The following IMMP2L variants were observed in gnomAD, a reference collection of about 807,000 sequenced individuals.
IMMP2L encodes the protein inner mitochondrial membrane peptidase subunit 2.
A neutral mutation model predicts 19.3 loss-of-function variants in IMMP2L; 18 were observed. The observed-to-expected ratio is 0.93, with a 90% confidence interval of 0.64 to 1.38. The LOEUF is 1.38. Among genes scored for constraint, IMMP2L ranks in the 40% most tolerant of loss-of-function variants. The pLI is 0.00. For missense variants in IMMP2L, 233 were observed against 218.2 expected (o/e 1.07, Z -0.43); for synonymous variants, 76 against 73.0 (o/e 1.04, Z -0.21).
At position 111,409,269 on chromosome 7, in the gene IMMP2L, C is replaced by A. The variant is rs140697095; in HGVS notation, c.239+77969G>T. Among the ~76,000 whole-genome samples the A allele has an allele frequency of 2.0e-3, 300 of 151,606 alleles. 6 individuals are homozygous for A. The highest frequency in any genetic ancestry group is 6.2e-3 in the African/African-American group (254 of 41,162). ...TAATTCTCTTAAAATTTAACGTCCA[C>A]CTAGAAAGCAATGCATCAGTAATAA... On this transcript the variant is annotated intron_variant, in intron 3 of 5. Coordinates refer to ENST00000405709, the MANE Select transcript of IMMP2L (RefSeq NM_032549.4).
intron 3 of IMMP2L, among the ~76,000 whole-genome samples, chr7:111,013,953 G>T (rs1345839739): frequency 6.6e-6 from 1 of 152,000 alleles, no homozygotes; most frequent in Non-Finnish European, 1.5e-5. Flanking sequence ...TGACCTAGGG[G>T]TCAAGTCAGG....
chr7:110,672,864 C>T (rs1022063993), intron 5 of IMMP2L, among the ~76,000 whole-genome samples: 3 of 152,228 alleles, frequency 2.0e-5, no homozygotes, highest in African/African-American at 7.2e-5. Flanking sequence ...CCCCTTCTGG[C>T]TGCTTTCATG....
At chr7:111,496,012 A>G (rs1174638766) in intron 2 of IMMP2L, among the ~76,000 whole-genome samples, 1 of 152,204 alleles carries the variant, frequency 6.6e-6, no homozygotes, top group Non-Finnish European at 1.5e-5. Context: ...ATATCTGTGG[A>G]GGCGGGGGCA....
intron 5 of IMMP2L, among the ~76,000 whole-genome samples, chr7:110,786,515 T>C (rs1800090746): frequency 6.6e-6 from 1 of 151,928 alleles, no homozygotes; most frequent in South Asian, 2.1e-4. Flanking sequence ...GGGCCTCCTG[T>C]AGGAGATGGA....
intron 4 of IMMP2L, among the ~76,000 whole-genome samples, chr7:110,942,303 A>G (rs1816813782): frequency 6.6e-6 from 1 of 152,004 alleles, no homozygotes; most frequent in South Asian, 2.1e-4. Context: ...GAAATACACA[A>G]TAGCAGTGTC....
At chr7:111,165,135 A>C (rs1805684399) in intron 3 of IMMP2L, among the ~76,000 whole-genome samples, 1 of 151,926 alleles carries the variant, frequency 6.6e-6, no homozygotes, top group Non-Finnish European at 1.5e-5. Context: ...TAAGGTTTTG[A>C]CTATTCTAGG....
intron 3 of IMMP2L, among the ~76,000 whole-genome samples, chr7:111,154,681 C>T (rs1804446249): frequency 6.6e-6 from 1 of 152,108 alleles, no homozygotes; most frequent in Admixed American, 6.6e-5. Flanking sequence ...AATAACAGTT[C>T]GAGTTTACAT....
chr7:110,993,738 T>C (rs527256133), intron 3 of IMMP2L, among the ~76,000 whole-genome samples: 1 of 152,132 alleles, frequency 6.6e-6, no homozygotes, highest in East Asian at 1.9e-4. Flanking sequence ...AACCAAATAA[T>C]TCACCTCTCT....
chr7:111,194,342 A>T (rs993328516), intron 3 of IMMP2L, among the ~76,000 whole-genome samples: 5 of 152,176 alleles, frequency 3.3e-5, no homozygotes, highest in African/African-American at 7.2e-5. Context: ...CAATCTACCT[A>T]TGACAGTCTA....
chr7:110,698,364 T>C (rs186178320), intron 5 of IMMP2L, among the ~76,000 whole-genome samples: 140 of 152,364 alleles, frequency 9.2e-4, no homozygotes, highest in Admixed American at 2.1e-3. Context: ...CAGTATACAA[T>C]GTAATTTAAT....
intron 3 of IMMP2L, among the ~76,000 whole-genome samples, chr7:111,446,206 C>A (rs959112814): frequency 3.3e-5 from 5 of 152,320 alleles, no homozygotes; most frequent in Non-Finnish European, 7.3e-5. Context: ...GAGCCCGCCA[C>A]AGCTCAAGGA....
intron 4 of IMMP2L, among the ~76,000 whole-genome samples, chr7:110,942,330 AC>A (rs1816817217): frequency 6.6e-6 from 1 of 151,976 alleles, no homozygotes; most frequent in African/African-American, 2.4e-5. Context: ...TACAACAAAT[AC>A]ACTGGAAGTG....
chr7:111,220,509 T>C (rs1411342668), intron 3 of IMMP2L, among the ~76,000 whole-genome samples: 5 of 151,820 alleles, frequency 3.3e-5, no homozygotes, highest in African/African-American at 4.8e-5. Flanking sequence ...AGAAAAATAA[T>C]TGTTAAATTA....
At chr7:111,428,483 A>C (rs1836307559) in intron 3 of IMMP2L, among the ~76,000 whole-genome samples, 1 of 151,796 alleles carries the variant, frequency 6.6e-6, no homozygotes, top group Non-Finnish European at 1.5e-5. Flanking sequence ...ATAAATTAAG[A>C]ATCAATTCAA....
chr7:111,218,536 T>A (rs917621354), intron 3 of IMMP2L, among the ~76,000 whole-genome samples: 8 of 152,022 alleles, frequency 5.3e-5, no homozygotes, highest in African/African-American at 1.9e-4. Context: ...GTTCCCCATA[T>A]GATCTTAAAA....
At chr7:110,856,056 T>C (rs1806726257) in intron 5 of IMMP2L, among the ~76,000 whole-genome samples, 1 of 152,086 alleles carries the variant, frequency 6.6e-6, no homozygotes, top group Non-Finnish European at 1.5e-5. Flanking sequence ...TTTTTTCACA[T>C]ACTTCTTATA....
chr7:111,299,026 A>G (rs1223333818), intron 3 of IMMP2L, among the ~76,000 whole-genome samples: 2 of 152,146 alleles, frequency 1.3e-5, no homozygotes, highest in South Asian at 2.1e-4. Flanking sequence ...CACAACTATC[A>G]GGACTAACTT....
intron 3 of IMMP2L, among the ~76,000 whole-genome samples, chr7:111,173,808 G>A (rs1051630527): frequency 3.3e-5 from 5 of 151,436 alleles, no homozygotes; most frequent in Non-Finnish European, 1.5e-5. Context: ...AGAAAATGTA[G>A]ATAAAATATG....
chr7:111,090,387 A>G (rs1796732157), intron 3 of IMMP2L, among the ~76,000 whole-genome samples: 1 of 152,116 alleles, frequency 6.6e-6, no homozygotes, highest in Non-Finnish European at 1.5e-5. Flanking sequence ...TACATCCTAA[A>G]TACACACACA....
Sources: allele counts gnomAD v4.1 joint callset (sites outside exome capture counted in the v4.1 genomes callset), GRCh38; gene constraint gnomAD v4.1.1; transcripts MANE v1.5; gene names NCBI Gene and HGNC (gene_info 2026-07-23, HGNC 2026-07-21).